Variants in GCNT1 observed in about 807,000 individuals in gnomAD.
GCNT1 encodes the protein beta-1,3-galactosyl-O-glycosyl-glycoprotein beta-1,6-N-acetylglucosaminyltransferase.
A neutral mutation model predicts 26.2 loss-of-function variants in GCNT1; 16 were observed. The observed-to-expected ratio is 0.61, with a 90% CI of 0.41 to 0.93. The LOEUF (loss-of-function observed/expected upper bound fraction) is 0.93. GCNT1 is among the 40% of genes least tolerant of loss of function. The probability of loss-of-function intolerance (pLI) is 0.00; values close to 1 mark genes in which losing one functional copy is unlikely to be tolerated. For missense variants in GCNT1, 477 were observed against 526.7 expected (o/e 0.91, Z 0.92); for synonymous variants, 183 against 190.8 (o/e 0.96, Z 0.34).
the GCNT1 span, among the ~76,000 whole-genome samples, chr9:76,413,725 T>C: frequency 6.7e-6 from 1 of 150,242 alleles, no homozygotes; most frequent in Non-Finnish European, 1.5e-5. Flanking sequence ...TTCCAGCATA[T>C]GTAGTTTGAT....
chr9:76,396,451 T>G, the GCNT1 span, among the ~76,000 whole-genome samples: 1 of 96,478 alleles, frequency 1.0e-5, no homozygotes, highest in African/African-American at 4.0e-5. Context: ...TAAAAATAAG[T>G]AAGAAAGAGA....
intron 1 of GCNT1, among the ~76,000 whole-genome samples, chr9:76,430,020 C>T (rs975545541): frequency 6.6e-6 from 1 of 152,168 alleles, no homozygotes; most frequent in Non-Finnish European, 1.5e-5. Context: ...AGCCTCAAGC[C>T]TCTATTTTCA....
At chr9:76,401,732 C>A in the GCNT1 span, among the ~76,000 whole-genome samples, 2 of 152,006 alleles carry the variant, frequency 1.3e-5, no homozygotes, top group African/African-American at 4.8e-5. Context: ...ATATAAACTT[C>A]AATAAAGAAC....
chr9:76,473,108 C>T (rs559047408), intron 2 of GCNT1, among the ~76,000 whole-genome samples: 1 of 152,298 alleles, frequency 6.6e-6, no homozygotes, highest in South Asian at 2.1e-4. Context: ...GACTCCACCC[C>T]TAGCCTGAAG....
At chr9:76,400,496 C>G in the GCNT1 span, among the ~76,000 whole-genome samples, 2 of 152,226 alleles carry the variant, frequency 1.3e-5, no homozygotes, top group African/African-American at 4.8e-5. Context: ...CTGATCAAAT[C>G]ACACTAAAAG....
intron 1 of GCNT1, among the ~76,000 whole-genome samples, chr9:76,442,616 G>A (rs1274693126): frequency 6.6e-6 from 1 of 152,194 alleles, no homozygotes; most frequent in Non-Finnish European, 1.5e-5. Flanking sequence ...GTGAGGCAGA[G>A]GTTGCAGTGA....
At chr9:76,473,001 G>A (rs1409154134) in intron 2 of GCNT1, among the ~76,000 whole-genome samples, 9 of 151,882 alleles carry the variant, frequency 5.9e-5, no homozygotes, top group Non-Finnish European at 1.2e-4. Context: ...TGCCCACCTC[G>A]GCCTCCTAAA....
chr9:76,404,848 T>C, the GCNT1 span, among the ~76,000 whole-genome samples: 1 of 152,024 alleles, frequency 6.6e-6, no homozygotes, highest in African/African-American at 2.4e-5. Context: ...AACAGAGTCT[T>C]GCTCTGTGGC....
At position 76,502,906 on chromosome 9, in the gene GCNT1, T is replaced by A. The variant is rs1226374365; in HGVS notation, c.525T>A (p.Asn175Lys). The change falls in exon 4 of 4, where the codon AAT becomes AAA. Residue 175 changes from asparagine to lysine, a missense_variant. Coordinates refer to ENST00000376730, the MANE Select transcript of GCNT1 (RefSeq NM_001490.5). ...TGGGCATCGCTTCCTGTTTTAGTAA[T>A]GTCTTTGTGGCCAGCCGATTGGAGA... ...AVMGIASCFS[N>K]VFVASRLESV... The A allele has an allele frequency of 1.9e-6, 3 of 1,613,818 alleles. No homozygotes were observed. The highest frequency in any genetic ancestry group is 1.7e-5 in the Admixed American group (1 of 60,016).
chr9:76,405,003 G>T, the GCNT1 span, among the ~76,000 whole-genome samples: 2 of 151,758 alleles, frequency 1.3e-5, no homozygotes, highest in East Asian at 3.9e-4. Context: ...TCTTTTTCTA[G>T]AGATGGGGTT....
intron 2 of GCNT1, among the ~76,000 whole-genome samples, chr9:76,490,018 A>G (rs1219999096): frequency 6.6e-6 from 1 of 152,216 alleles, no homozygotes; most frequent in Non-Finnish European, 1.5e-5. Flanking sequence ...GGTTAAAAAT[A>G]CAGGGCCCGA....
At chr9:76,466,075 T>C (rs1823987382) in intron 2 of GCNT1, among the ~76,000 whole-genome samples, 1 of 152,114 alleles carries the variant, frequency 6.6e-6, no homozygotes, top group Non-Finnish European at 1.5e-5. Flanking sequence ...TGCATGTAAG[T>C]ATTACTGCAT....
At chr9:76,432,781 AAACATAGG>A (rs1231744084) in intron 1 of GCNT1, among the ~76,000 whole-genome samples, 1 of 152,238 alleles carries the variant, frequency 6.6e-6, no homozygotes, top group African/African-American at 2.4e-5. Flanking sequence ...AGTCTTGCAT[AAACATAGG>A]AACTGGATTG....
chr9:76,476,842 C>T (rs1343069174), intron 2 of GCNT1, among the ~76,000 whole-genome samples: 5 of 152,178 alleles, frequency 3.3e-5, no homozygotes, highest in South Asian at 2.1e-4. Flanking sequence ...AGACAACCTG[C>T]GGTCATACCT....
intron 1 of GCNT1, among the ~76,000 whole-genome samples, chr9:76,426,877 C>T (rs1444567229): frequency 6.6e-6 from 1 of 152,092 alleles, no homozygotes; most frequent in Non-Finnish European, 1.5e-5. Flanking sequence ...TGCCATTGCA[C>T]TTCAGCCTGG....
the GCNT1 span, chr9:76,393,885 C>A: frequency 1.8e-6 from 1 of 556,440 alleles, no homozygotes; most frequent in Non-Finnish European, 3.1e-6. Context: ...CCCGTCCCCG[C>A]GGAGCTCGGA....
At chr9:76,452,431 C>T (rs560184711) in intron 1 of GCNT1, among the ~76,000 whole-genome samples, 4 of 152,078 alleles carry the variant, frequency 2.6e-5, no homozygotes, top group East Asian at 1.9e-4. Context: ...ATTCTTGTAT[C>T]GCTATAAAGA....
chr9:76,480,355 T>C (rs1319048997), intron 2 of GCNT1, among the ~76,000 whole-genome samples: 2 of 152,154 alleles, frequency 1.3e-5, no homozygotes, highest in Admixed American at 1.3e-4. Flanking sequence ...TTTGGTTCCA[T>C]ATGAACTTTA....
intron 2 of GCNT1, among the ~76,000 whole-genome samples, chr9:76,469,762 C>T (rs1354551880): frequency 2.0e-5 from 3 of 152,164 alleles, no homozygotes; most frequent in Non-Finnish European, 4.4e-5. Flanking sequence ...CGGCTAAGTG[C>T]CTGGGTTCAT....
Sources: allele counts gnomAD v4.1 joint callset (sites outside exome capture counted in the v4.1 genomes callset), GRCh38; gene constraint gnomAD v4.1.1; transcripts MANE v1.5; gene names NCBI Gene and HGNC (gene_info 2026-07-23, HGNC 2026-07-21).